The following NR5A2 variants were observed in gnomAD, a reference collection of about 807,000 sequenced individuals.
NR5A2 encodes the protein nuclear receptor subfamily 5 group A member 2, also known as CYP7A promoter-binding factor.
In NR5A2, 26 loss-of-function variants were observed where a neutral mutation model predicts 62.7. That is an observed-to-expected ratio of 0.41 (90% CI 0.30 to 0.58). The LOEUF is 0.58. Ranked by LOEUF, NR5A2 falls within the 20% of genes least tolerant of loss-of-function variation. The pLI, the probability that NR5A2 is intolerant of heterozygous loss-of-function variation, is 0.22. For missense variants in NR5A2, 541 were observed against 669.1 expected (o/e 0.81, Z 2.11); for synonymous variants, 246 against 241.7 (o/e 1.02, Z -0.16).
intron 7 of NR5A2, among the ~76,000 whole-genome samples, chr1:200,143,713 G>T (rs990019178): frequency 1.3e-5 from 2 of 148,536 alleles, no homozygotes; most frequent in Non-Finnish European, 3.0e-5. Context: ...TGCGATCTCG[G>T]CTCCTGCAAC....
At chr1:200,163,499 T>G (rs75331282) in intron 7 of NR5A2, among the ~76,000 whole-genome samples, 1 of 151,244 alleles carries the variant, frequency 6.6e-6, no homozygotes, top group East Asian at 1.9e-4. Flanking sequence ...TTTTTTTTTT[T>G]GAGACAAGAT....
chr1:200,072,110 C>T (rs1663763438), intron 5 of NR5A2, among the ~76,000 whole-genome samples: 3 of 151,990 alleles, frequency 2.0e-5, no homozygotes, highest in Admixed American at 6.6e-5. Context: ...TTATATAAAT[C>T]GAGGTAAAGG....
Position 200,127,643 on chromosome 1 carries a change from C to T in NR5A2, c.1378+6688C>T, listed in dbSNP as rs573869837. ...AGTGAGCTGAGATTGTGCCATTGCA[C>T]TCCAGCCTGGGCTTCAGAGAAAGAC... On this transcript the variant is annotated intron_variant, in intron 7 of 7. Transcript: ENST00000367362. Among the ~76,000 whole-genome samples, 10 of 123,776 alleles carry T rather than the reference C, an allele frequency of 8.1e-5. No individual in the cohort carries two copies. The East Asian group carries it at 2.3e-3, about 28-fold the overall frequency. 81.2% of individuals were successfully genotyped at this position (123,776 alleles called of 152,430 possible).
chr1:200,127,897 C>T (rs1354745618), intron 7 of NR5A2, among the ~76,000 whole-genome samples: 1 of 117,200 alleles, frequency 8.5e-6, no homozygotes, highest in Non-Finnish European at 1.9e-5. Context: ...CTTACTAAGA[C>T]ACTATTTATT....
At chr1:200,081,767 C>CTT (rs3033982) in intron 5 of NR5A2, among the ~76,000 whole-genome samples, 2,303 of 145,034 alleles carry the variant, frequency 0.016, 37 homozygotes, top group East Asian at 0.05. Flanking sequence ...CATAGTCTAC[C>CTT]TTTTTTTTTT....
At position 200,130,268 on chromosome 1, in the gene NR5A2, G is replaced by T. The variant is rs1465076318; in HGVS notation, c.1378+9313G>T. Among the ~76,000 whole-genome samples, 7 of 128,240 alleles carry T rather than the reference G, an allele frequency of 5.5e-5. No individual in the cohort carries two copies. The Middle Eastern group carries it at 0.02, about 363-fold the overall frequency. 84.1% of individuals were successfully genotyped at this position (128,240 alleles called of 152,430 possible). Reference sequence around the variant, plus strand: ...AAATCCAACAGAGATCTGCTTGCAGGAACTAACTAGGAAGAAGAAGAAGAA... The same window carrying T: ...AAATCCAACAGAGATCTGCTTGCAGTAACTAACTAGGAAGAAGAAGAAGAA... On this transcript the variant is annotated intron_variant, in intron 7 of 7. Coordinates refer to ENST00000367362, the MANE Select transcript of NR5A2 (RefSeq NM_205860.3).
At chr1:200,097,322 G>A (rs886557183) in intron 5 of NR5A2, among the ~76,000 whole-genome samples, 2 of 152,026 alleles carry the variant, frequency 1.3e-5, no homozygotes, top group Non-Finnish European at 2.9e-5. Context: ...GAAATCCAAA[G>A]GCAATGGGAA....
intron 5 of NR5A2, among the ~76,000 whole-genome samples, chr1:200,090,637 A>C (rs1011159405): frequency 1.3e-5 from 2 of 152,176 alleles, no homozygotes; most frequent in Admixed American, 1.3e-4. Flanking sequence ...TACATTTTCC[A>C]ACCTTGAATT....
At chr1:200,057,707 T>C in intron 5 of NR5A2, 2 of 290,480 alleles carry the variant, frequency 6.9e-6, no homozygotes, top group Non-Finnish European at 1.4e-5. Flanking sequence ...TCAAAACTCC[T>C]GACCTCAGGG....
At chr1:200,145,250 C>T (rs2737626) in intron 7 of NR5A2, among the ~76,000 whole-genome samples, 82,288 of 151,916 alleles carry the variant, frequency 0.54, 23,354 homozygotes, top group Middle Eastern at 0.66. Context: ...GCGGAGGTTG[C>T]AGTGAGCTGA....
intron 5 of NR5A2, among the ~76,000 whole-genome samples, chr1:200,066,586 A>ATTTTTTTTTT (rs1663480896): frequency 2.3e-5 from 2 of 87,768 alleles, no homozygotes; most frequent in African/African-American, 1.5e-4. Flanking sequence ...TTAATTAATT[A>ATTTTTTTTTT]TCTTTTTTTT....
At chr1:200,127,848 C>T (rs1666796927) in intron 7 of NR5A2, among the ~76,000 whole-genome samples, 1 of 149,732 alleles carries the variant, frequency 6.7e-6, no homozygotes, top group East Asian at 2.0e-4. Flanking sequence ...GGCAGGGGTC[C>T]TGGAACTGAT....
intron 1 of NR5A2, among the ~76,000 whole-genome samples, chr1:200,034,364 C>G (rs1661669173): frequency 6.6e-6 from 1 of 152,148 alleles, no homozygotes; most frequent in South Asian, 2.1e-4. Flanking sequence ...ATTATTTCCC[C>G]TGCCCCACTC....
Position 200,039,891 on chromosome 1 carries a change from A to G in NR5A2, c.202+96A>G. On this transcript the variant is annotated intron_variant, in intron 2 of 7. Transcript: ENST00000367362. The surrounding 1 kb of genome is among the most constrained non-coding windows in gnomAD (Gnocchi z 5.1). Reference sequence around the variant, plus strand: ...GCCTCCCGCCCCGCGCGGGCGCGGGAGTAGCCCCGCTGGGCGCTCGCAGCC... The same window carrying G: ...GCCTCCCGCCCCGCGCGGGCGCGGGGGTAGCCCCGCTGGGCGCTCGCAGCC... The G allele has an allele frequency of 7.1e-7, 1 of 1,398,866 alleles. No homozygotes were observed. The highest frequency in any genetic ancestry group is 9.4e-7 in the Non-Finnish European group (1 of 1,069,116). The allele number at this position is 1,398,866 out of a possible 1,614,324, so 86.7% of individuals were successfully genotyped here. A position where few individuals can be genotyped will look rare whatever the true frequency, so the allele number is the denominator to read the frequency against.
At chr1:200,167,231 T>C (rs1360911197) in intron 7 of NR5A2, among the ~76,000 whole-genome samples, 4 of 152,250 alleles carry the variant, frequency 2.6e-5, no homozygotes, top group African/African-American at 9.6e-5. Context: ...GCCCCTTAAA[T>C]TCAACATGGC....
chr1:200,086,626 A>G (rs1201020825), intron 5 of NR5A2, among the ~76,000 whole-genome samples: 2 of 152,186 alleles, frequency 1.3e-5, no homozygotes, highest in African/African-American at 4.8e-5. Context: ...TTTTTTAGAA[A>G]TAAAAGACTC....
chr1:200,099,787 T>C (rs1238070055), intron 5 of NR5A2, among the ~76,000 whole-genome samples: 1 of 151,910 alleles, frequency 6.6e-6, no homozygotes, highest in East Asian at 1.9e-4. Context: ...AGAGACGGAG[T>C]TTCACCGTGT....
chr1:200,044,918 A>G (rs973716303), intron 3 of NR5A2, among the ~76,000 whole-genome samples: 1 of 151,888 alleles, frequency 6.6e-6, no homozygotes, highest in African/African-American at 2.4e-5. Context: ...TGGAATTATG[A>G]GCATTTTCCC....
chr1:200,035,668 C>T (rs1661743433), intron 1 of NR5A2, among the ~76,000 whole-genome samples: 1 of 152,150 alleles, frequency 6.6e-6, no homozygotes, highest in Non-Finnish European at 1.5e-5. Context: ...ATAAAATATG[C>T]TAGGACTGCG....
Sources: gnomAD v4.1 joint callset for allele counts (sites outside exome capture counted in the v4.1 genomes callset) on GRCh38, gnomAD v4.1.1 for gene constraint, Gnocchi (gnomAD v3.1) non-coding constraint, MANE v1.5 for transcripts, NCBI Gene and HGNC (gene_info 2026-07-23, HGNC 2026-07-21) for gene names.